The following TBCD variants were observed in gnomAD, a reference collection of about 807,000 sequenced individuals.
TBCD encodes the protein tubulin folding cofactor D.
Under a neutral mutation model 169.3 loss-of-function variants are expected in TBCD, and 105 were observed. That is an observed-to-expected ratio of 0.62 (90% confidence interval 0.53 to 0.73). TBCD has a LOEUF of 0.73. TBCD is among the 30% of genes least tolerant of loss of function. The pLI, the probability that TBCD is intolerant of heterozygous loss-of-function variation, is 0.00. For synonymous variants in TBCD, 700 were observed against 643.9 expected (o/e 1.09, Z -1.32); for missense variants, 1,444 against 1,600.1 (o/e 0.90, Z 1.66).
At chr17:82,757,324 C>T (rs772167894) in intron 2 of TBCD, among the ~76,000 whole-genome samples, 11 of 151,724 alleles carry the variant, frequency 7.3e-5, no homozygotes, top group Non-Finnish European at 1.5e-4. Context: ...TTTTTTTCTT[C>T]AAATAACAGA....
chr17:82,811,753 C>T (rs1456901215), intron 12 of TBCD, among the ~76,000 whole-genome samples: 8 of 152,172 alleles, frequency 5.3e-5, no homozygotes, highest in African/African-American at 1.9e-4. Context: ...CTGAAGACAC[C>T]AGGAAGCCAG....
rs1452665106 is a variant in TBCD, at chr17:82,832,622, T to A, written c.1318+17688T>A. On this transcript the variant is annotated intron_variant, in intron 13 of 38. Coordinates refer to ENST00000355528, the MANE Select transcript of TBCD (RefSeq NM_005993.5). The surrounding 1 kb of genome is among the most constrained non-coding windows in gnomAD (Gnocchi z 4.9). ...GAGGGTCTGGCGAGAGCCTCCGTCATCTGGCGGCTGGGAGCTGTAATAAAG... is the reference window on the plus strand; with the variant it reads ...GAGGGTCTGGCGAGAGCCTCCGTCAACTGGCGGCTGGGAGCTGTAATAAAG... The A allele has an allele frequency of 1.5e-6, 1 of 672,074 alleles. No homozygotes were observed. The highest frequency in any genetic ancestry group is 1.8e-5 in the African/African-American group (1 of 55,496). The allele number at this position is 672,074 out of a possible 1,614,324, so 41.6% of individuals were successfully genotyped here. A position where few individuals can be genotyped will look rare whatever the true frequency, so the allele number is the denominator to read the frequency against.
In TBCD at chr17:82,831,621, G is replaced by C. The variant is rs201166994; in HGVS notation, c.1318+16687G>C. 3 of 1,614,152 alleles carry C rather than the reference G, an allele frequency of 1.9e-6. No homozygotes were observed. The stretch of plus-strand genomic sequence containing the variant: ...GAGGCAGGAAGTGTCTCGGGTCTTG[G>C]GTTCCGTAGACTGACAGCAGGGGTG... On this transcript the variant is annotated intron_variant, in intron 13 of 38. Coordinates refer to ENST00000355528, the MANE Select transcript of TBCD (RefSeq NM_005993.5). The surrounding 1 kb of genome is among the most constrained non-coding windows in gnomAD (Gnocchi z 4.6).
At chr17:82,891,700 G>C (rs1319936697) in intron 16 of TBCD, among the ~76,000 whole-genome samples, 1 of 152,148 alleles carries the variant, frequency 6.6e-6, no homozygotes, top group Non-Finnish European at 1.5e-5. Context: ...ATGCGTTACA[G>C]TGGAGGCCGC....
At chr17:82,774,637 A>C (rs586050) in intron 6 of TBCD, among the ~76,000 whole-genome samples, 17 of 151,744 alleles carry the variant, frequency 1.1e-4, no homozygotes, top group Non-Finnish European at 1.9e-4. Flanking sequence ...GGGCAGAGGC[A>C]CCCCCCACCT....
chr17:82,873,774 T>C (rs1677741370), intron 14 of TBCD, among the ~76,000 whole-genome samples: 1 of 152,088 alleles, frequency 6.6e-6, no homozygotes, highest in Admixed American at 6.6e-5. Flanking sequence ...GCGGGCCCCG[T>C]GCTTCATGGA....
intron 13 of TBCD, chr17:82,830,140 C>A (rs183896921): frequency 6.2e-7 from 1 of 1,613,494 alleles, no homozygotes; most frequent in East Asian, 2.2e-5. Flanking sequence ...GTGAACCCGG[C>A]GTTAGGACAC....
chr17:82,879,057 T>C (rs1050788795), intron 14 of TBCD, among the ~76,000 whole-genome samples: 1 of 39,678 alleles, frequency 2.5e-5, no homozygotes, highest in Non-Finnish European at 4.8e-5. Context: ...CAAGATCCTG[T>C]TCTTTTTTTT....
intron 15 of TBCD, among the ~76,000 whole-genome samples, chr17:82,887,239 C>G (rs1295467653): frequency 2.0e-5 from 3 of 152,000 alleles, no homozygotes; most frequent in African/African-American, 7.3e-5. Flanking sequence ...CACGTATCCA[C>G]CACCACAATC....
Position 82,920,903 on chromosome 17 carries a change from C to T in TBCD, c.2101+285C>T. 2.3e-6 allele frequency: 1 copy of T among 431,118 alleles called. No homozygotes were observed. The highest frequency in any genetic ancestry group is 4.0e-5 in the Admixed American group (1 of 24,880). The allele number at this position is 431,118 out of a possible 1,614,324, so 26.7% of individuals were successfully genotyped here. A position where few individuals can be genotyped will look rare whatever the true frequency, so the allele number is the denominator to read the frequency against. On this transcript the variant is annotated intron_variant, in intron 24 of 38. Coordinates refer to ENST00000355528, the MANE Select transcript of TBCD (RefSeq NM_005993.5). This position sits in a 1 kb window ranked among gnomAD's most constrained non-coding sequence, Gnocchi z 4.1. Reference sequence around the variant, plus strand: ...CGGCACTCTGGGTCAGTTCTTCTCCCAGGCAGACAGTCGGGAGCTGCAGCC... The same window carrying T: ...CGGCACTCTGGGTCAGTTCTTCTCCTAGGCAGACAGTCGGGAGCTGCAGCC...
At position 82,766,576 on chromosome 17, in the gene TBCD, C is replaced by T. The variant is rs1357726459; in HGVS notation, c.435+208C>T. Among the ~76,000 whole-genome samples, 4 of 151,990 alleles carry T rather than the reference C, an allele frequency of 2.6e-5. No homozygotes were observed. The East Asian group carries it at 7.7e-4, about 29-fold the overall frequency. On this transcript the variant is annotated intron_variant, in intron 4 of 38. Transcript: ENST00000355528. ...AAATTATTTTCGTTTAAAATAGCCC[C>T]TTTATAAAAAAAATTATGCCTAGGT...
At position 82,920,868 on chromosome 17, in the gene TBCD, G is replaced by T; in HGVS notation, c.2101+250G>T. 1 of 509,512 alleles carries T rather than the reference G, an allele frequency of 2.0e-6. No homozygotes were observed. The highest frequency in any genetic ancestry group is 3.5e-6 in the Non-Finnish European group (1 of 286,752). 31.6% of individuals were successfully genotyped at this position (509,512 alleles called of 1,614,324 possible). ...AGTACCCCCACCTCCTCGCTTCCAT[G>T]CCCAGGGCCCGGCACTCTGGGTCAG... On this transcript the variant is annotated intron_variant, in intron 24 of 38. Transcript: ENST00000355528. The surrounding 1 kb of genome is among the most constrained non-coding windows in gnomAD (Gnocchi z 4.1).
intron 13 of TBCD, among the ~76,000 whole-genome samples, chr17:82,819,605 T>G (rs2052236263): frequency 6.6e-6 from 1 of 151,640 alleles, no homozygotes; most frequent in South Asian, 2.1e-4. Flanking sequence ...ATTGCTTGAG[T>G]CCAGGAGGTT....
intron 17 of TBCD, 129 bp from the exon 18 acceptor site, chr17:82,900,522 C>T (rs2059815474): frequency 1.4e-6 from 1 of 710,992 alleles, no homozygotes; most frequent in South Asian, 1.7e-5. Flanking sequence ...GAGGGAATGG[C>T]TGGATCACGT....
chr17:82,913,693 C>G (rs2060825091), intron 23 of TBCD: 1 of 152,412 alleles, frequency 6.6e-6, no homozygotes. Context: ...GGAGGTGCTG[C>G]TCTGTAATCT....
chr17:82,866,974 G>C (rs1409317529), intron 13 of TBCD, among the ~76,000 whole-genome samples: 2 of 152,380 alleles, frequency 1.3e-5, no homozygotes, highest in Middle Eastern at 3.4e-3. Flanking sequence ...GAAGGCCTGC[G>C]TGTGTGTGTT....
In TBCD at chr17:82,880,719, C is replaced by T. The variant is rs1388313485; in HGVS notation, c.1476-3426C>T. On this transcript the variant is annotated intron_variant, in intron 14 of 38. Coordinates refer to ENST00000355528, the MANE Select transcript of TBCD (RefSeq NM_005993.5). The surrounding 1 kb of genome is among the most constrained non-coding windows in gnomAD (Gnocchi z 5.0). ...ACCGCAGGCTCCCCACACAGTGACA[C>T]CTGTCTGTCCGTCCGTCTGTCCACA... 6.6e-6 allele frequency among the ~76,000 whole-genome samples: 1 copy of T among 152,170 alleles called. No homozygotes were observed.
At position 82,899,996 on chromosome 17, in the gene TBCD, CT is replaced by C. The variant is rs1329661715; in HGVS notation, c.1650-651del. On this transcript the variant is annotated intron_variant, in intron 17 of 38. Coordinates refer to ENST00000355528, the MANE Select transcript of TBCD (RefSeq NM_005993.5). ...TATATTCTGTTACAAGTCGGTTTGC[CT>C]TTTGATTTTCTTAAAAGTTTTTAAC... Among the ~76,000 whole-genome samples the C allele has an allele frequency of 3.3e-5, 5 of 152,166 alleles. No homozygotes were observed. In the East Asian group the frequency reaches 7.7e-4, roughly 23 times the overall value.
At chr17:82,760,852 G>C (rs943302340) in intron 2 of TBCD, among the ~76,000 whole-genome samples, 5 of 152,128 alleles carry the variant, frequency 3.3e-5, no homozygotes, top group Non-Finnish European at 7.3e-5. Context: ...TCAGCATTTT[G>C]TGTGATGGAA....
Sources: gnomAD v4.1 joint callset for allele counts (sites outside exome capture counted in the v4.1 genomes callset) on GRCh38, gnomAD v4.1.1 for gene constraint, Gnocchi (gnomAD v3.1) non-coding constraint, MANE v1.5 for transcripts, NCBI Gene and HGNC (gene_info 2026-07-23, HGNC 2026-07-21) for gene names.